The following PIWIL2 variants were observed in gnomAD, a reference collection of about 807,000 sequenced individuals.
PIWIL2 encodes the protein piwi like RNA-mediated gene silencing 2, also known as piwi-like protein 2.
PIWIL2 carries 81 observed loss-of-function variants against 116.5 expected under a neutral mutation model. That is an observed-to-expected ratio of 0.70 (90% CI 0.58 to 0.84). PIWIL2 has a LOEUF of 0.84. PIWIL2 is among the 40% of genes least tolerant of loss of function. The pLI, the probability that PIWIL2 is intolerant of heterozygous loss-of-function variation, is 0.00. For synonymous variants in PIWIL2, 489 were observed against 429.5 expected (o/e 1.14, Z -1.71); for missense variants, 1,272 against 1,212.3 (o/e 1.05, Z -0.73).
Position 22,281,217 on chromosome 8 carries a change from A to C in PIWIL2, c.286+10A>C. Reference sequence around the variant, plus strand: ...GAAATGCTTCCATCAGGTATGTGGAAAACTAACTTGAGAAATTTGGTGGTA... The same window carrying C: ...GAAATGCTTCCATCAGGTATGTGGACAACTAACTTGAGAAATTTGGTGGTA... On this transcript the variant is annotated intron_variant, in intron 3 of 22. Coordinates refer to ENST00000356766, the MANE Select transcript of PIWIL2 (RefSeq NM_018068.5). The C allele has an allele frequency of 6.3e-7, 1 of 1,594,476 alleles. No homozygotes were observed. The highest frequency in any genetic ancestry group is 8.6e-7 in the Non-Finnish European group (1 of 1,169,454).
chr8:22,345,810 G>A (rs887544827), intron 20 of PIWIL2, among the ~76,000 whole-genome samples: 91 of 152,278 alleles, frequency 6.0e-4, no homozygotes, highest in African/African-American at 2.2e-3. Flanking sequence ...GATGAACTGT[G>A]AAAACGTTAT....
At chr8:22,298,979 T>G (rs1392060209) in intron 10 of PIWIL2, among the ~76,000 whole-genome samples, 1 of 152,214 alleles carries the variant, frequency 6.6e-6, no homozygotes, top group South Asian at 2.1e-4. Context: ...TAAATTGATG[T>G]AGATTGATTT....
intron 10 of PIWIL2, among the ~76,000 whole-genome samples, chr8:22,303,771 G>A (rs1000620629): frequency 4.6e-5 from 7 of 151,994 alleles, no homozygotes; most frequent in Admixed American, 2.0e-4. Context: ...AGGAAATAAG[G>A]TATCACTATG....
intron 20 of PIWIL2, among the ~76,000 whole-genome samples, chr8:22,341,378 C>T (rs1441609401): frequency 1.3e-5 from 2 of 151,838 alleles, no homozygotes; most frequent in African/African-American, 2.4e-5. Flanking sequence ...GGCGGATCAC[C>T]TGAGGTCAGG....
chr8:22,318,316 T>C, intron 20 of PIWIL2, 41 bp downstream of exon 20: 2 of 1,122,498 alleles, frequency 1.8e-6, no homozygotes, highest in Non-Finnish European at 2.6e-6. Context: ...GGGTTTTTTG[T>C]TTTTTTATTT....
rs769421253 is a variant in PIWIL2, at chr8:22,289,822, A to G, written c.987-25A>G. ...TAATTTTATTACTCTTCTATTAGAA[A>G]ACTCATACTTGCTTTTTATTTCAGG... is the stretch of plus-strand genomic sequence containing the variant. On this transcript the variant is annotated intron_variant, in intron 8 of 22. Transcript: ENST00000356766. The G allele has an allele frequency of 1.5e-5, 21 of 1,413,478 alleles. No homozygotes were observed. In the Admixed American group the frequency reaches 3.6e-4, roughly 24 times the overall value. 87.6% of individuals were successfully genotyped at this position (1,413,478 alleles called of 1,614,324 possible).
intron 20 of PIWIL2, among the ~76,000 whole-genome samples, chr8:22,320,065 C>T (rs1478308702): frequency 6.6e-6 from 1 of 151,958 alleles, no homozygotes; most frequent in Admixed American, 6.6e-5. Context: ...CAGGCTCAAG[C>T]GATTCTCCTG....
chr8:22,352,766 G>T (rs775942053), intron 20 of PIWIL2, 193 bp from the exon 21 acceptor site: 26 of 525,450 alleles, frequency 4.9e-5, no homozygotes, highest in Non-Finnish European at 8.3e-5. Flanking sequence ...CACCAGGCGT[G>T]TTTTACTACC....
chr8:22,341,783 T>C (rs1470287008), intron 20 of PIWIL2, among the ~76,000 whole-genome samples: 1 of 152,144 alleles, frequency 6.6e-6, no homozygotes, highest in African/African-American at 2.4e-5. Flanking sequence ...CTGGAAGTCC[T>C]AGCTAATGCA....
At chr8:22,281,661 A>T in intron 4 of PIWIL2, 146 bp downstream of exon 4, 1 of 653,294 alleles carries the variant, frequency 1.5e-6, no homozygotes, top group Non-Finnish European at 2.4e-6. Flanking sequence ...AAGAGTAGTC[A>T]GCAGCTGTTA....
Position 22,314,404 on chromosome 8 carries a change from G to A in PIWIL2, c.2066G>A (p.Cys689Tyr). 6.3e-7 allele frequency: 1 copy of A among 1,586,064 alleles called. No individual in the cohort carries two copies. The highest frequency in any genetic ancestry group is 8.6e-7 in the Non-Finnish European group (1 of 1,164,436). The change falls in exon 17 of 23, where the codon TGT (cysteine) becomes TAT (tyrosine). Residue 689 changes from cysteine to tyrosine, a missense_variant. Transcript: ENST00000356766. ...TATGGGGCCATCAAGAAGCTGTGCT[G>A]TGTGCAGTCCCCAGTGCCCTCCCAG... ...DLYGAIKKLC[C>Y]VQSPVPSQVV...
chr8:22,294,899 G>GAAAAAAAAAAAAAAA (rs375806332), intron 10 of PIWIL2, among the ~76,000 whole-genome samples: 1 of 79,452 alleles, frequency 1.3e-5, no homozygotes, highest in Non-Finnish European at 2.1e-5. Flanking sequence ...CATCTTTACT[G>GAAAAAAAAAAAAAAA]GAAAAAAAAA....
chr8:22,313,489 C>T (rs186833020), intron 16 of PIWIL2, among the ~76,000 whole-genome samples: 15 of 152,290 alleles, frequency 9.8e-5, no homozygotes, highest in African/African-American at 2.9e-4. Context: ...CCTGAAAAAA[C>T]GCACCTGTTT....
In PIWIL2 at chr8:22,332,349, AATAG is replaced by A. The variant is rs150250313; in HGVS notation, c.2403+14079_2403+14082del. Among the ~76,000 whole-genome samples the A allele has an allele frequency of 9.1e-4, 139 of 152,170 alleles. 3 individuals are homozygous for A. The highest frequency in any genetic ancestry group is 3.3e-3 in the African/African-American group (137 of 41,474). On this transcript the variant is annotated intron_variant, in intron 20 of 22. Coordinates refer to ENST00000356766, the MANE Select transcript of PIWIL2 (RefSeq NM_018068.5). ...AAAAATAATCAAACTGTAACAGGCC[AATAG>A]ATAGGAGGTTAAAATATAATATGTA...
chr8:22,313,566 C>T (rs80269265), intron 16 of PIWIL2, among the ~76,000 whole-genome samples: 7 of 152,306 alleles, frequency 4.6e-5, no homozygotes, highest in Middle Eastern at 3.4e-3. Flanking sequence ...TGCTTGGTGT[C>T]GTTGCTCAAT....
At chr8:22,321,413 A>G (rs1459856887) in intron 20 of PIWIL2, among the ~76,000 whole-genome samples, 1 of 152,192 alleles carries the variant, frequency 6.6e-6, no homozygotes, top group East Asian at 1.9e-4. Context: ...GCGCCTGGCC[A>G]AAAGGTTTCA....
At chr8:22,323,438 G>A (rs1831652903) in intron 20 of PIWIL2, among the ~76,000 whole-genome samples, 1 of 152,056 alleles carries the variant, frequency 6.6e-6, no homozygotes, top group Admixed American at 6.5e-5. Context: ...GAGCTACCGC[G>A]CCCAGCCAGT....
At chr8:22,304,981 T>G (rs1831140835) in intron 12 of PIWIL2, 113 bp downstream of exon 12, 1 of 707,952 alleles carries the variant, frequency 1.4e-6, no homozygotes, top group African/African-American at 1.7e-5. Context: ...GTAGTGTAGT[T>G]GCGGAAAGCT....
chr8:22,288,719 AGTAAT>A, intron 8 of PIWIL2, 53 bp downstream of exon 8: 1 of 1,500,324 alleles, frequency 6.7e-7, no homozygotes, highest in South Asian at 1.2e-5. Flanking sequence ...TTGTATTTAC[AGTAAT>A]GTTCTTCAAG....
Sources: gnomAD v4.1 joint callset for allele counts (sites outside exome capture counted in the v4.1 genomes callset) on GRCh38, gnomAD v4.1.1 for gene constraint, MANE v1.5 for transcripts, NCBI Gene and HGNC (gene_info 2026-07-23, HGNC 2026-07-21) for gene names.